Variants in MMP15 observed in about 807,000 individuals in gnomAD.
The protein encoded by MMP15 is matrix metalloproteinase-15.
Under a neutral mutation model 65.0 loss-of-function variants are expected in MMP15, and 36 were observed. The observed-to-expected ratio is 0.55, with a 90% CI of 0.42 to 0.73. The LOEUF (loss-of-function observed/expected upper bound fraction) is 0.73, where lower values mean the gene tolerates loss of function less well. Ranked by LOEUF, MMP15 falls within the 30% of genes least tolerant of loss-of-function variation. The pLI, the probability that MMP15 is intolerant of heterozygous loss-of-function variation, is 0.00. For missense variants in MMP15, 870 were observed against 987.8 expected, an observed-to-expected ratio of 0.88 and a Z score of 1.60; for synonymous variants, 428 against 410.2, an observed-to-expected ratio of 1.04 and a Z score of -0.52.
chr16:58,030,047 A>G (rs1015399680), intron 1 of MMP15, among the ~76,000 whole-genome samples: 1 of 152,106 alleles, frequency 6.6e-6, no homozygotes, highest in Non-Finnish European at 1.5e-5. Context: ...TATGAGAACC[A>G]CTACTTTCCA....
Position 58,045,612 on chromosome 16 carries a change from CA to C in MMP15, c.*167del. 1 of 616,874 alleles carries C rather than the reference CA, an allele frequency of 1.6e-6. No individual in the cohort carries two copies. Among genetic ancestry groups the C allele is most frequent in the African/African-American group, 1.9e-5 (1 of 53,500 alleles). The allele number at this position is 616,874 out of a possible 1,614,324, so 38.2% of individuals were successfully genotyped here. ...GGTGTTTGTTTTGTTTTGTTTTTGG[CA>C]CCTTACTTGACCATTTGTTTCTGTT... On this transcript the variant is annotated 3_prime_UTR_variant, in exon 10 of 10. Coordinates refer to ENST00000219271, the MANE Select transcript of MMP15 (RefSeq NM_002428.4).
Position 58,040,540 on chromosome 16 carries a change from AC to A in MMP15, c.753del (p.Asn251LysfsTer69). On this transcript the variant is annotated frameshift_variant, in exon 5 of 10. Transcript: ENST00000219271. LOFTEE classifies it high-confidence loss of function. The part of the protein sequence containing the change: ...WTFSSTDLHG[N>X]NLFLVAVHEL... The stretch of plus-strand genomic sequence containing the variant: ...GCCCTCCTTCTCTCCCCAAAAGGAA[AC>A]AACCTCTTCCTGGTGGCAGTGCATG... 2.5e-6 allele frequency: 4 copies of A among 1,612,750 alleles called. No individual in the cohort carries two copies. The highest frequency in any genetic ancestry group is 3.4e-6 in the Non-Finnish European group (4 of 1,179,936).
At position 58,045,457 on chromosome 16, in the gene MMP15, C is replaced by T; in HGVS notation, c.*11C>T. The T allele has an allele frequency of 1.3e-6, 2 of 1,504,432 alleles. No homozygotes were observed. The highest frequency in any genetic ancestry group is 2.5e-5 in the East Asian group (1 of 40,786). 93.2% of individuals were successfully genotyped at this position (1,504,432 alleles called of 1,614,324 possible). A position where few individuals can be genotyped will look rare whatever the true frequency, so the allele number is the denominator to read the frequency against. On this transcript the variant is annotated 3_prime_UTR_variant, in exon 10 of 10. Transcript: ENST00000219271. ...CAGGAGTGGGTCTGACCACCCAGCG[C>T]TCCTGCTAACGGTGCTCAGGGGGCG...
intron 8 of MMP15, 70 bp downstream of exon 8, chr16:58,043,430 A>G: frequency 1.3e-6 from 2 of 1,594,478 alleles, no homozygotes; most frequent in East Asian, 2.3e-5. Flanking sequence ...AGGCCTACCC[A>G]GAAAGAATCC....
chr16:58,035,117 T>C (rs1002083809), intron 1 of MMP15, among the ~76,000 whole-genome samples: 1 of 152,232 alleles, frequency 6.6e-6, no homozygotes, highest in Non-Finnish European at 1.5e-5. Flanking sequence ...TAGAGCTGGC[T>C]GAGCATCATG....
rs912423543 is a variant in MMP15 at position 58,041,603 on chromosome 16, C to T, written c.911-14C>T. The T allele has an allele frequency of 7.7e-6, 12 of 1,568,322 alleles. No individual in the cohort carries two copies. Among genetic ancestry groups the T allele is most frequent in the Admixed American group, 1.9e-5 (1 of 53,788 alleles). On this transcript the variant is annotated splice_polypyrimidine_tract_variant and intron_variant, in intron 5 of 9. Coordinates refer to ENST00000219271, the MANE Select transcript of MMP15 (RefSeq NM_002428.4). ...GAACACAGACCTCACTTCTGAACCC[C>T]TGCCTCTCTGCAGGTACCCCAGACG...
intron 1 of MMP15, among the ~76,000 whole-genome samples, chr16:58,033,483 T>A (rs1016060053): frequency 1.3e-4 from 20 of 152,214 alleles, no homozygotes; most frequent in African/African-American, 4.8e-4. Flanking sequence ...CAGACTCAGG[T>A]GCTGCGGTTA....
At chr16:58,029,306 G>C (rs548966545) in intron 1 of MMP15, among the ~76,000 whole-genome samples, 42 of 152,314 alleles carry the variant, frequency 2.8e-4, no homozygotes, top group Non-Finnish European at 4.4e-4. Context: ...CTGGCTCCGG[G>C]GGGGCCCCAC....
intron 1 of MMP15, among the ~76,000 whole-genome samples, chr16:58,032,995 G>C (rs909205881): frequency 7.6e-6 from 1 of 131,644 alleles, no homozygotes; most frequent in Non-Finnish European, 1.7e-5. Flanking sequence ...AGATCTGAGT[G>C]CTGGAGGAGC....
intron 1 of MMP15, among the ~76,000 whole-genome samples, chr16:58,027,573 G>A (rs978166754): frequency 6.6e-6 from 1 of 152,204 alleles, no homozygotes; most frequent in African/African-American, 2.4e-5. Flanking sequence ...CCTGAGCGCC[G>A]TTTCTATTTG....
At chr16:58,033,645 G>A (rs933022281) in intron 1 of MMP15, among the ~76,000 whole-genome samples, 2 of 152,242 alleles carry the variant, frequency 1.3e-5, no homozygotes, top group African/African-American at 4.8e-5. Flanking sequence ...GGCTCCGCCT[G>A]TAATCCCAGC....
chr16:58,041,140 CCGAGAAAGT>C (rs1161528477), intron 5 of MMP15, among the ~76,000 whole-genome samples: 5 of 152,216 alleles, frequency 3.3e-5, no homozygotes, highest in Non-Finnish European at 5.9e-5. Flanking sequence ...CAGGGCCCAC[CCGAGAAAGT>C]CTCCAGCAGT....
rs145645621 is a variant in MMP15, at chr16:58,043,566, C to A, written c.1509C>A (p.Pro503=). ...TQRGDPGYPK[P]ISVWQGIPAS... Reference sequence around the variant, plus strand: ...GTGGAGACCCTGGGTACCCCAAGCCCATCAGTGTCTGGCAGGGGATCCCTG... The same window carrying A: ...GTGGAGACCCTGGGTACCCCAAGCCAATCAGTGTCTGGCAGGGGATCCCTG... Residue 503 remains proline, a synonymous_variant, in exon 9 of 10, where the codon CCC becomes CCA. Transcript: ENST00000219271. 6 of 1,613,816 alleles carry A rather than the reference C, an allele frequency of 3.7e-6. No individual in the cohort carries two copies. Among genetic ancestry groups the A allele is most frequent in the Non-Finnish European group, 5.1e-6 (6 of 1,179,914 alleles).
At chr16:58,026,756 C>G (rs1183986840) in intron 1 of MMP15, among the ~76,000 whole-genome samples, 2 of 152,218 alleles carry the variant, frequency 1.3e-5, no homozygotes, top group African/African-American at 4.8e-5. Context: ...CAGCCCTGTT[C>G]TGGGCACTGA....
In MMP15 at chr16:58,034,370, C is replaced by G. The variant is rs187602562; in HGVS notation, c.163-3102C>G. On this transcript the variant is annotated intron_variant, in intron 1 of 9. Transcript: ENST00000219271. ...TCTGGCCCCACCCCCGCGTCCCCGC[C>G]CCCTGCTGTCTCTTCCCTCCTGTGT... is the stretch of plus-strand genomic sequence containing the variant. Among the ~76,000 whole-genome samples the G allele has an allele frequency of 2.5e-3, 381 of 152,130 alleles. 2 individuals carry two copies. The highest frequency in any genetic ancestry group is 3.6e-3 in the Non-Finnish European group (242 of 67,986).
rs41399651 is a variant in MMP15, at chr16:58,045,948, G to A, written c.*502G>A. ...GGGACCTGGAAGGGAGGTGGGCCGTGGCCCTTGAGTCCCCATTGAGGCTTG... is the reference window on the plus strand; with the variant it reads ...GGGACCTGGAAGGGAGGTGGGCCGTAGCCCTTGAGTCCCCATTGAGGCTTG... On this transcript the variant is annotated 3_prime_UTR_variant, in exon 10 of 10. Transcript: ENST00000219271. The A allele has an allele frequency of 7.4e-3, 1,183 of 160,838 alleles. 14 individuals are homozygous for A. The highest frequency in any genetic ancestry group is 0.027 in the African/African-American group (1,121 of 41,602). 10.0% of individuals were successfully genotyped at this position (160,838 alleles called of 1,614,324 possible).
Position 58,045,023 on chromosome 16 carries a change from C to T in MMP15, c.1587C>T (p.Tyr529=). ...LSNDAAYTYF[Y]KGTKYWKFDN... The stretch of plus-strand genomic sequence containing the variant: ...CCCCTGCAGCCTACACCTACTTCTA[C>T]AAGGGCACCAAATACTGGAAATTCG... Residue 529 remains tyrosine (Y), a synonymous_variant, in exon 10 of 10, where the codon TAC becomes TAT. Transcript: ENST00000219271. The T allele has an allele frequency of 6.2e-7, 1 of 1,613,440 alleles. No individual in the cohort carries two copies. The highest frequency in any genetic ancestry group is 8.5e-7 in the Non-Finnish European group (1 of 1,179,998).
In MMP15 at chr16:58,026,477, G is replaced by T. The variant is rs1270992823; in HGVS notation, c.127G>T (p.Gly43Cys). Residue 43 changes from glycine to cysteine, a missense_variant, in exon 1 of 10, where the codon GGC becomes TGC. Coordinates refer to ENST00000219271, the MANE Select transcript of MMP15 (RefSeq NM_002428.4). Reference sequence around the variant, plus strand: ...GGTGCTTCTGGGCTGCCTGGGCCTTGGCGTAGCGGCCGAAGACGCGGAGGT... The same window carrying T: ...GGTGCTTCTGGGCTGCCTGGGCCTTTGCGTAGCGGCCGAAGACGCGGAGGT... The part of the protein sequence containing the change: ...LLVLLGCLGL[G>C]VAAEDAEVHA... 1 of 1,397,130 alleles carries T rather than the reference G, an allele frequency of 7.2e-7. No individual in the cohort carries two copies. The highest frequency in any genetic ancestry group is 1.5e-5 in the South Asian group (1 of 65,556). 86.5% of individuals were successfully genotyped at this position (1,397,130 alleles called of 1,614,324 possible).
At chr16:58,037,685 G>GGCTCA in intron 2 of MMP15, 65 bp downstream of exon 2, 1 of 1,600,616 alleles carries the variant, frequency 6.2e-7, no homozygotes, top group Non-Finnish European at 8.5e-7. Flanking sequence ...CTCTCAAGAG[G>GGCTCA]GCTCAGCATG....
Sources: gnomAD v4.1 joint callset for allele counts (sites outside exome capture counted in the v4.1 genomes callset) on GRCh38, gnomAD v4.1.1 for gene constraint, MANE v1.5 for transcripts, NCBI Gene and HGNC (gene_info 2026-07-23, HGNC 2026-07-21) for gene names.